Variants in ADGRG7 observed in about 807,000 individuals in gnomAD.
ADGRG7 encodes adhesion G protein-coupled receptor G7.
Under a neutral mutation model 88.6 loss-of-function variants are expected in ADGRG7, and 82 were observed. The observed-to-expected ratio is 0.93, with a 90% confidence interval of 0.77 to 1.11. The LOEUF (loss-of-function observed/expected upper bound fraction) is 1.11, where lower values mean the gene tolerates loss of function less well. ADGRG7 is among the 50% of genes most tolerant of loss of function. The pLI is 0.00. For missense variants in ADGRG7, 945 were observed against 953.4 expected (o/e 0.99, Z 0.12); for synonymous variants, 381 against 345.2 (o/e 1.10, Z -1.15).
At chr3:100,654,653 A>T (rs893439269) in intron 11 of ADGRG7, 182 bp from the exon 12 acceptor site, 33 of 518,106 alleles carry the variant, frequency 6.4e-5, no homozygotes, top group Middle Eastern at 9.9e-4. Flanking sequence ...GGAAATGATA[A>T]GAGGAAAGTA....
chr3:100,643,686 T>A, intron 8 of ADGRG7, 53 bp downstream of exon 8: 1 of 1,109,596 alleles, frequency 9.0e-7, no homozygotes, highest in East Asian at 2.4e-5. Context: ...TTCATGGAAC[T>A]AATAACTTCT....
intron 13 of ADGRG7, among the ~76,000 whole-genome samples, chr3:100,657,186 A>G (rs1387597817): frequency 1.3e-5 from 2 of 152,150 alleles, no homozygotes; most frequent in Non-Finnish European, 2.9e-5. Context: ...AGCTGGGGAG[A>G]GAGGAAAGGA....
In ADGRG7 at chr3:100,692,018, G is replaced by T. The variant is rs566505693; in HGVS notation, c.2137-2726G>T. 1.3e-4 allele frequency among the ~76,000 whole-genome samples: 20 copies of T among 152,296 alleles called. 1 individual carries two copies. In the East Asian group the frequency reaches 3.9e-3, roughly 29 times the overall value. On this transcript the variant is annotated intron_variant, in intron 15 of 15. Transcript: ENST00000273352. ...GATGACTATCCCATTAAGTTGCTAA[G>T]AACGGTAACTACAGTGTGAAGCTGG...
At chr3:100,619,726 A>G (rs942379295) in intron 1 of ADGRG7, among the ~76,000 whole-genome samples, 2 of 152,180 alleles carry the variant, frequency 1.3e-5, no homozygotes, top group African/African-American at 2.4e-5. Flanking sequence ...TAAAGGGGAT[A>G]TCACCACCGA....
At chr3:100,643,435 A>G (rs1213467837) in intron 7 of ADGRG7, 30 bp downstream of exon 7, 1 of 1,613,022 alleles carries the variant, frequency 6.2e-7, no homozygotes, top group Non-Finnish European at 8.5e-7. Context: ...TGCTTGTAAC[A>G]GCAAAGAGCA....
intron 1 of ADGRG7, among the ~76,000 whole-genome samples, chr3:100,617,163 T>C (rs1261313973): frequency 6.6e-6 from 1 of 152,278 alleles, no homozygotes; most frequent in East Asian, 1.9e-4. Flanking sequence ...AAGATGTTTA[T>C]AGAAAAAAGA....
At chr3:100,610,056 G>C in intron 1 of ADGRG7, 85 bp downstream of exon 1, 1 of 1,102,454 alleles carries the variant, frequency 9.1e-7, no homozygotes, top group Non-Finnish European at 1.4e-6. Context: ...AGTACTGGGA[G>C]GTACCTTGTC....
intron 15 of ADGRG7, among the ~76,000 whole-genome samples, chr3:100,687,549 C>T (rs1330436977): frequency 6.6e-6 from 1 of 152,042 alleles, no homozygotes; most frequent in African/African-American, 2.4e-5. Context: ...GAGATACATC[C>T]CATCAATACC....
intron 15 of ADGRG7, among the ~76,000 whole-genome samples, chr3:100,683,182 C>G (rs1265904356): frequency 1.3e-5 from 2 of 152,180 alleles, no homozygotes; most frequent in Non-Finnish European, 2.9e-5. Context: ...TGTCTGCATA[C>G]CTCATTCTGG....
rs188028545 is a variant in ADGRG7 at position 100,620,358 on chromosome 3, G to A, written c.116-9240G>A. Among the ~76,000 whole-genome samples, 1,077 of 152,000 alleles carry A rather than the reference G, an allele frequency of 7.1e-3. 9 individuals carry two copies. The highest frequency in any genetic ancestry group is 0.013 in the African/African-American group (541 of 41,540). On this transcript the variant is annotated intron_variant, in intron 1 of 15. Transcript: ENST00000273352. ...AAAAGGCCTTTGACAAAATTCAACAGCCCTTCATGCTAAAAACTCTCAATA... is the reference window on the plus strand; with the variant it reads ...AAAAGGCCTTTGACAAAATTCAACAACCCTTCATGCTAAAAACTCTCAATA...
At chr3:100,616,681 C>G (rs1419418493) in intron 1 of ADGRG7, among the ~76,000 whole-genome samples, 1 of 152,058 alleles carries the variant, frequency 6.6e-6, no homozygotes, top group Non-Finnish European at 1.5e-5. Context: ...AATAACCAGG[C>G]GTAGTGGCGC....
intron 1 of ADGRG7, among the ~76,000 whole-genome samples, chr3:100,610,366 C>G (rs564583847): frequency 2.6e-4 from 40 of 152,228 alleles, no homozygotes; most frequent in African/African-American, 9.1e-4. Flanking sequence ...ATGCATAACA[C>G]ACATACAATC....
chr3:100,653,500 A>G (rs2094932573), intron 11 of ADGRG7, among the ~76,000 whole-genome samples: 1 of 152,372 alleles, frequency 6.6e-6, no homozygotes, highest in East Asian at 1.9e-4. Flanking sequence ...TTAAAACTCC[A>G]TATAGGGCCT....
chr3:100,620,337 G>A (rs1206859576), intron 1 of ADGRG7, among the ~76,000 whole-genome samples: 1 of 152,126 alleles, frequency 6.6e-6, no homozygotes, highest in East Asian at 1.9e-4. Flanking sequence ...ATGCAGAAAA[G>A]GCCTTTGACA....
intron 1 of ADGRG7, among the ~76,000 whole-genome samples, chr3:100,626,522 C>T (rs1707382701): frequency 6.6e-6 from 1 of 152,118 alleles, no homozygotes; most frequent in East Asian, 1.9e-4. Context: ...CATGGTGGCT[C>T]ATGCCTGTAA....
intron 14 of ADGRG7, among the ~76,000 whole-genome samples, chr3:100,666,859 G>C (rs1559685653): frequency 1.3e-5 from 2 of 152,168 alleles, no homozygotes; most frequent in Non-Finnish European, 2.9e-5. Flanking sequence ...CTCTTAAGGA[G>C]CACGCTGCCT....
At chr3:100,639,666 T>C (rs1158611926) in intron 6 of ADGRG7, among the ~76,000 whole-genome samples, 2 of 152,196 alleles carry the variant, frequency 1.3e-5, no homozygotes, top group Non-Finnish European at 2.9e-5. Flanking sequence ...GCTTTGTGTT[T>C]GCAGATTCTT....
intron 4 of ADGRG7, among the ~76,000 whole-genome samples, chr3:100,633,782 G>C (rs951209714): frequency 9.9e-5 from 15 of 152,046 alleles, no homozygotes; most frequent in Non-Finnish European, 2.1e-4. Flanking sequence ...TCAGCCTCCC[G>C]AAGTGCAGGG....
chr3:100,611,496 T>G (rs1388781748), intron 1 of ADGRG7, among the ~76,000 whole-genome samples: 2 of 152,104 alleles, frequency 1.3e-5, no homozygotes, highest in South Asian at 2.1e-4. Context: ...ACAGAAAACC[T>G]GAAAGTTCAA....
Sources: gnomAD v4.1 joint callset for allele counts (sites outside exome capture counted in the v4.1 genomes callset) on GRCh38, gnomAD v4.1.1 for gene constraint, MANE v1.5 for transcripts, NCBI Gene and HGNC (gene_info 2026-07-23, HGNC 2026-07-21) for gene names.